Variants in CRLF3 observed in about 807,000 individuals in gnomAD.
The protein encoded by CRLF3 is cytokine receptor-like factor 3.
CRLF3 carries 33 observed loss-of-function variants against 55.0 expected under a neutral mutation model. The observed-to-expected ratio is 0.60, with a 90% CI of 0.46 to 0.80. CRLF3 has a LOEUF of 0.80. Ranked by LOEUF, CRLF3 falls within the 30% of genes least tolerant of loss-of-function variation. CRLF3 has a pLI of 0.00. For synonymous variants in CRLF3, 238 were observed against 196.8 expected, an observed-to-expected ratio of 1.21 and a Z score of -1.75; for missense variants, 494 against 538.4, an observed-to-expected ratio of 0.92 and a Z score of 0.82.
At chr17:30,807,748 T>C (rs1034530642) in intron 1 of CRLF3, among the ~76,000 whole-genome samples, 1 of 152,004 alleles carries the variant, frequency 6.6e-6, no homozygotes, top group Non-Finnish European at 1.5e-5. Flanking sequence ...GGTCTTGAAC[T>C]CCTGATCTCC....
intron 6 of CRLF3, among the ~76,000 whole-genome samples, chr17:30,791,083 TA>T (rs1244338613): frequency 6.6e-6 from 1 of 152,020 alleles, no homozygotes; most frequent in Non-Finnish European, 1.5e-5. Flanking sequence ...CACACCCTGC[TA>T]ATTTTTTTTT....
intron 1 of CRLF3, among the ~76,000 whole-genome samples, chr17:30,815,976 TAA>T (rs527247079): frequency 8.1e-5 from 11 of 135,924 alleles, no homozygotes; most frequent in Non-Finnish European, 3.2e-5. Context: ...AATAAAAAGT[TAA>T]AAAAAAAAAA....
At chr17:30,792,722 C>G (rs1230294477) in intron 5 of CRLF3, 150 bp from the exon 6 acceptor site, 4 of 592,564 alleles carry the variant, frequency 6.8e-6, no homozygotes, top group Non-Finnish European at 8.6e-6. Flanking sequence ...AACAGGGTAT[C>G]ATGATCAGTC....
intron 3 of CRLF3, 113 bp from the exon 4 acceptor site, chr17:30,796,450 T>A (rs1971919954): frequency 1.4e-6 from 1 of 708,028 alleles, no homozygotes; most frequent in African/African-American, 1.8e-5. Flanking sequence ...CAGTAATTAA[T>A]TCTCATGGCA....
At chr17:30,791,875 TC>T (rs1259818348) in intron 6 of CRLF3, among the ~76,000 whole-genome samples, 1 of 149,264 alleles carries the variant, frequency 6.7e-6, no homozygotes, top group African/African-American at 2.5e-5. Context: ...AGACACAGTT[TC>T]GCTCTTGTTG....
chr17:30,789,447 G>T (rs1971735640), intron 6 of CRLF3, among the ~76,000 whole-genome samples: 1 of 152,168 alleles, frequency 6.6e-6, no homozygotes, highest in Non-Finnish European at 1.5e-5. Flanking sequence ...GTGGTGAAAG[G>T]TCATAAGAGG....
chr17:30,789,992 TG>T (rs1449104763), intron 6 of CRLF3, among the ~76,000 whole-genome samples: 1 of 151,802 alleles, frequency 6.6e-6, no homozygotes, highest in Non-Finnish European at 1.5e-5. Flanking sequence ...AGGTATTAGT[TG>T]TTTTTTTTTT....
chr17:30,811,740 G>A (rs1436592213), intron 1 of CRLF3, among the ~76,000 whole-genome samples: 1 of 141,804 alleles, frequency 7.1e-6, no homozygotes, highest in Non-Finnish European at 1.5e-5. Flanking sequence ...GGAGGTGGAG[G>A]TTGCAGTGAG....
Position 30,803,987 on chromosome 17 carries a change from A to G in CRLF3, c.251T>C (p.Ile84Thr). ...TAGTGGTTTAATGGTCTCCTGTTCAATGGTGTCCACCTCTTGCAAAAGGGT... is the reference window on the plus strand; with the variant it reads ...TAGTGGTTTAATGGTCTCCTGTTCAGTGGTGTCCACCTCTTGCAAAAGGGT... ...LVTLLQEVDT[I>T]EQETIKPLDD... is the part of the protein sequence containing the mutation. Residue 84 changes from isoleucine (I) to threonine (T), a missense_variant, in exon 2 of 8, where the codon ATT (isoleucine) becomes ACT (threonine). Ile to Thr is a moderately conservative substitution (Grantham distance 89, BLOSUM62 -1). Transcript: ENST00000324238. The G allele has an allele frequency of 6.2e-7, 1 of 1,612,770 alleles. No individual in the cohort carries two copies. Among genetic ancestry groups the G allele is most frequent in the Non-Finnish European group, 8.5e-7 (1 of 1,179,826 alleles).
Position 30,783,790 on chromosome 17 carries a change from A to G in CRLF3, c.*397T>C, listed in dbSNP as rs546498505. 5.9e-6 allele frequency: 1 copy of G among 168,934 alleles called. No individual in the cohort carries two copies. Among genetic ancestry groups the G allele is most frequent in the African/African-American group, 2.4e-5 (1 of 41,688 alleles). The allele number at this position is 168,934 out of a possible 1,614,324, so 10.5% of individuals were successfully genotyped here. On this transcript the variant is annotated 3_prime_UTR_variant, in exon 8 of 8. Transcript: ENST00000324238. Reference sequence around the variant, plus strand: ...TTACACAGCTTCTTCTATCTGACCTATTCCTCTTGTTCTAAAGAGTTACAT... The same window carrying G: ...TTACACAGCTTCTTCTATCTGACCTGTTCCTCTTGTTCTAAAGAGTTACAT...
At chr17:30,804,140 G>C in intron 1 of CRLF3, 32 bp from the exon 2 acceptor site, 2 of 1,516,150 alleles carry the variant, frequency 1.3e-6, no homozygotes, top group East Asian at 2.3e-5. Flanking sequence ...CTCAAAATCA[G>C]AATCTTTAAA....
rs533264211 is a variant in CRLF3 at position 30,824,640 on chromosome 17, C to T, written c.12G>A (p.Ala4=). Residue 4 remains alanine (A), a synonymous_variant, in exon 1 of 8, where the codon GCG becomes GCA. Coordinates refer to ENST00000324238, the MANE Select transcript of CRLF3 (RefSeq NM_015986.4). Reference sequence around the variant, plus strand: ...ACAGCAGCTCAGGCTCCAGCTCCATCGCCCCCCTCATCTGGCCGCGCGGCC... The same window carrying T: ...ACAGCAGCTCAGGCTCCAGCTCCATTGCCCCCCTCATCTGGCCGCGCGGCC... MRG[A]MELEPELLLQ... 28 of 1,597,452 alleles carry T rather than the reference C, an allele frequency of 1.8e-5. No homozygotes were observed. The East Asian group carries it at 4.3e-4, about 25-fold the overall frequency.
chr17:30,790,004 T>TC (rs1010981810), intron 6 of CRLF3, among the ~76,000 whole-genome samples: 4 of 151,932 alleles, frequency 2.6e-5, no homozygotes, highest in Non-Finnish European at 5.9e-5. Flanking sequence ...TTTTTTTTTT[T>TC]CCTCTCTCTC....
chr17:30,792,301 A>G, intron 6 of CRLF3, 139 bp downstream of exon 6: 3 of 681,466 alleles, frequency 4.4e-6, no homozygotes, highest in Non-Finnish European at 7.2e-6. Context: ...AGCTACAGGA[A>G]ATAAAGAAGC....
At position 30,782,727 on chromosome 17, in the gene CRLF3, G is replaced by A. The variant is rs1404254690; in HGVS notation, c.*1460C>T. On this transcript the variant is annotated 3_prime_UTR_variant, in exon 8 of 8. Transcript: ENST00000324238. The stretch of plus-strand genomic sequence containing the variant: ...TATTTTGATTCCTATGGCTGGACAA[G>A]GTATCTACATTCTAGAACATCTTCT... 1 of 151,942 alleles carries A rather than the reference G, an allele frequency of 6.6e-6. No homozygotes were observed. The highest frequency in any genetic ancestry group is 1.5e-5 in the Non-Finnish European group (1 of 68,008). 9.4% of individuals were successfully genotyped at this position (151,942 alleles called of 1,614,324 possible).
rs569326675 is a variant in CRLF3 at position 30,817,805 on chromosome 17, CTGAG to C, written c.129+6714_129+6717del. Among the ~76,000 whole-genome samples the C allele has an allele frequency of 1.2e-3, 172 of 147,744 alleles. 2 individuals are homozygous for C. The East Asian group carries it at 0.032, about 28-fold the overall frequency. ...CCTGTAGTCCCAGCTACTCAGGAGG[CTGAG>C]GCAGGAGAATGGCTTGAACCCAGGA... On this transcript the variant is annotated intron_variant, in intron 1 of 7. Transcript: ENST00000324238.
chr17:30,792,496 C>A lies in CRLF3; in HGVS notation c.903G>T (p.Ser301=). The A allele has an allele frequency of 6.2e-7, 1 of 1,612,978 alleles. No individual in the cohort carries two copies. The highest frequency in any genetic ancestry group is 1.1e-5 in the South Asian group (1 of 91,048). Residue 301 remains serine, a synonymous_variant, in exon 6 of 8, where the codon TCG becomes TCT. Coordinates refer to ENST00000324238, the MANE Select transcript of CRLF3 (RefSeq NM_015986.4). ...TCGGAGCTCTGGAGTAGAGAACACC[C>A]GATGATTCAGAATCGTTCCGAAGTG... The part of the protein sequence containing the change: ...NIALRNDSES[S]GVLYSRAPTY...
intron 1 of CRLF3, chr17:30,809,683 C>A (rs1161181732): frequency 6.6e-6 from 1 of 152,222 alleles, no homozygotes; most frequent in Non-Finnish European, 1.5e-5. Flanking sequence ...CAGGTTCTCA[C>A]TTGGTCGTCC....
intron 1 of CRLF3, among the ~76,000 whole-genome samples, chr17:30,820,818 T>TC (rs1194798764): frequency 1.1e-5 from 1 of 89,030 alleles, no homozygotes; most frequent in Non-Finnish European, 2.1e-5. Flanking sequence ...AGAGCGAGAC[T>TC]CTCTCAAAAA....
Sources: allele counts gnomAD v4.1 joint callset (sites outside exome capture counted in the v4.1 genomes callset), GRCh38; gene constraint gnomAD v4.1.1; transcripts MANE v1.5; gene names NCBI Gene and HGNC (gene_info 2026-07-23, HGNC 2026-07-21).